TM2D1: variants seen among roughly 807,000 people sequenced by gnomAD.
TM2D1 encodes TM2 domain-containing protein 1.
Under a neutral mutation model 28.4 loss-of-function variants are expected in TM2D1, and 15 were observed. The observed-to-expected ratio is 0.53, with a 90% CI of 0.35 to 0.81. TM2D1 has a LOEUF of 0.81. Among genes scored for constraint, TM2D1 ranks in the 40% least tolerant of loss-of-function variants. TM2D1 has a pLI of 0.01. For synonymous variants in TM2D1, 93 were observed against 96.2 expected (o/e 0.97, Z 0.20); for missense variants, 236 against 254.9 (o/e 0.93, Z 0.50).
Position 61,723,755 on chromosome 1 carries a change from C to T in TM2D1, c.196G>A (p.Ala66Thr), listed in dbSNP as rs762373474. The T allele has an allele frequency of 2.3e-5, 35 of 1,554,644 alleles. 1 individual carries two copies. The South Asian group carries it at 3.9e-4, about 17-fold the overall frequency. The change falls in exon 2 of 7, where the codon GCT (alanine) becomes ACT (threonine). Residue 66 changes from alanine to threonine, a missense_variant. By Grantham distance (58) the Ala-to-Thr change is moderately conservative. This residue lies in a region of TM2D1 where 167 missense variants were observed against 162.7 expected (regional missense o/e 1.03). Transcript: ENST00000606498. Reference protein sequence around the residue: ...YICKDPKINDATQEPVNCTNY... With the variant: ...YICKDPKINDTTQEPVNCTNY... ...GTACAGTTAACTGGTTCTTGCGTAG[C>T]GTCATTTATTTTTGGATCTTTACAA... is the stretch of plus-strand genomic sequence containing the variant.
chr1:61,692,802 T>C (rs1278843808), intron 5 of TM2D1, among the ~76,000 whole-genome samples: 1 of 152,200 alleles, frequency 6.6e-6, no homozygotes, highest in Non-Finnish European at 1.5e-5. Context: ...TATTATAATC[T>C]CCCTCAATTT....
intron 3 of TM2D1, among the ~76,000 whole-genome samples, chr1:61,708,082 T>TTCTC (rs1418265942): frequency 1.3e-5 from 2 of 152,228 alleles, no homozygotes; most frequent in Non-Finnish European, 2.9e-5. Flanking sequence ...TTTAAGTTTT[T>TTCTC]TAGAGACAGG....
chr1:61,691,586 C>T (rs1388024683), intron 5 of TM2D1, among the ~76,000 whole-genome samples: 1 of 142,414 alleles, frequency 7.0e-6, no homozygotes, highest in Non-Finnish European at 1.5e-5. Flanking sequence ...TGATAAAAAA[C>T]TCGTATTATC....
At position 61,716,488 on chromosome 1, in the gene TM2D1, C is replaced by T. The variant is rs561079333; in HGVS notation, c.239-7051G>A. ...ATATAATTATATATAATTTTATATA[C>T]GTATATAATTATATATAATTTTATA... On this transcript the variant is annotated intron_variant, in intron 2 of 6. Transcript: ENST00000606498. Among the ~76,000 whole-genome samples the T allele has an allele frequency of 2.8e-3, 376 of 135,232 alleles. 1 individual carries two copies. The highest frequency in any genetic ancestry group is 8.9e-3 in the African/African-American group (328 of 37,004). The allele number at this position is 135,232 out of a possible 152,430, so 88.7% of individuals were successfully genotyped here. A position where few individuals can be genotyped will look rare whatever the true frequency, so the allele number is the denominator to read the frequency against.
intron 5 of TM2D1, among the ~76,000 whole-genome samples, chr1:61,686,493 C>CAA (rs556342728): frequency 7.3e-6 from 1 of 136,808 alleles, no homozygotes; most frequent in South Asian, 2.3e-4. Context: ...CCAGTATCTA[C>CAA]AAAAAAAAAA....
rs1644241797 is a variant in TM2D1 at position 61,681,266 on chromosome 1, T to C, written c.*104A>G. 1 of 152,570 alleles carries C rather than the reference T, an allele frequency of 6.6e-6. No individual in the cohort carries two copies. The highest frequency in any genetic ancestry group is 1.9e-4 in the East Asian group (1 of 5,184). The allele number at this position is 152,570 out of a possible 1,614,324, so 9.5% of individuals were successfully genotyped here. On this transcript the variant is annotated 3_prime_UTR_variant, in exon 7 of 7. Transcript: ENST00000606498. Reference sequence around the variant, plus strand: ...AAAACCACAAAAAATTATACAGAACTCATAAAATGGTATATGAATGAAAAA... The same window carrying C: ...AAAACCACAAAAAATTATACAGAACCCATAAAATGGTATATGAATGAAAAA...
intron 6 of TM2D1, among the ~76,000 whole-genome samples, chr1:61,682,905 A>AAAAAAG (rs1380604253): frequency 7.9e-5 from 12 of 151,626 alleles, no homozygotes; most frequent in African/African-American, 2.7e-4. Context: ...AAAAAAAAAA[A>AAAAAAG]AAAAAGAAAA....
At chr1:61,717,444 A>C (rs994934247) in intron 2 of TM2D1, among the ~76,000 whole-genome samples, 1 of 152,158 alleles carries the variant, frequency 6.6e-6, no homozygotes, top group African/African-American at 2.4e-5. Flanking sequence ...TAAGCCTGAA[A>C]ACTATTCAAT....
intron 3 of TM2D1, among the ~76,000 whole-genome samples, chr1:61,702,984 T>C (rs1022407858): frequency 6.6e-6 from 1 of 151,402 alleles, no homozygotes; most frequent in African/African-American, 2.4e-5. Context: ...TATATGCCTG[T>C]AGTCCCAGCT....
intron 5 of TM2D1, among the ~76,000 whole-genome samples, chr1:61,684,870 G>A (rs764776894): frequency 1.2e-4 from 18 of 151,970 alleles, no homozygotes; most frequent in Non-Finnish European, 2.2e-4. Context: ...CCTCCCCCCC[G>A]GGGCTCTAGC....
chr1:61,703,149 TG>T (rs1251557538), intron 3 of TM2D1, among the ~76,000 whole-genome samples: 1 of 151,320 alleles, frequency 6.6e-6, no homozygotes, highest in African/African-American at 2.4e-5. Context: ...AAGGGAGAGC[TG>T]GACACACTGG....
chr1:61,715,791 G>C (rs79963497), intron 2 of TM2D1, among the ~76,000 whole-genome samples: 2,396 of 151,388 alleles, frequency 0.016, 62 homozygotes, highest in African/African-American at 0.055. Flanking sequence ...GAGCCCAGGA[G>C]GTTTTTTTGT....
At chr1:61,715,934 T>A (rs113580203) in intron 2 of TM2D1, among the ~76,000 whole-genome samples, 8,499 of 150,806 alleles carry the variant, frequency 0.056, 718 homozygotes, top group African/African-American at 0.18. Context: ...CCCGAGTAGC[T>A]GGGACTACAG....
intron 2 of TM2D1, 142 bp downstream of exon 2, chr1:61,723,571 G>A (rs2148072668): frequency 2.2e-6 from 1 of 451,026 alleles, no homozygotes; most frequent in Non-Finnish European, 3.9e-6. Flanking sequence ...TAGTTCTCCA[G>A]TTTTAAGTTA....
At chr1:61,694,878 T>C (rs911621951) in intron 4 of TM2D1, 108 bp from the exon 5 acceptor site, 3 of 496,720 alleles carry the variant, frequency 6.0e-6, no homozygotes, top group African/African-American at 6.0e-5. Flanking sequence ...ACACTCTTTA[T>C]ATCAAGAACA....
At chr1:61,698,790 G>A (rs1413356084) in intron 4 of TM2D1, 1 of 149,576 alleles carries the variant, frequency 6.7e-6, no homozygotes, top group Non-Finnish European at 1.5e-5. Context: ...TCACTATGTT[G>A]TCTCTGCTGG....
intron 2 of TM2D1, among the ~76,000 whole-genome samples, chr1:61,710,986 G>C (rs1644474362): frequency 6.6e-6 from 1 of 152,078 alleles, no homozygotes; most frequent in Non-Finnish European, 1.5e-5. Context: ...AAACAAGGTG[G>C]TGTTTATAAT....
At chr1:61,705,955 AG>A (rs1407753280) in intron 3 of TM2D1, among the ~76,000 whole-genome samples, 40 of 152,362 alleles carry the variant, frequency 2.6e-4, no homozygotes, top group African/African-American at 9.4e-4. Context: ...TATTATATAT[AG>A]TTTGAAAAAC....
At chr1:61,711,625 CAA>C (rs963521750) in intron 2 of TM2D1, among the ~76,000 whole-genome samples, 6 of 118,384 alleles carry the variant, frequency 5.1e-5, no homozygotes, top group Admixed American at 9.2e-5. Context: ...GAGACCGTCT[CAA>C]AAAAAAAAAA....
Sources: allele counts gnomAD v4.1 joint callset (sites outside exome capture counted in the v4.1 genomes callset), GRCh38; gene constraint gnomAD v4.1.1; regional missense constraint gnomAD v4.1.1; transcripts MANE v1.5; gene names NCBI Gene and HGNC (gene_info 2026-07-23, HGNC 2026-07-21).